The following AGMO variants were observed in gnomAD, a reference collection of about 807,000 sequenced individuals.
AGMO encodes alkylglycerol monooxygenase, also known as glyceryl-ether monooxygenase.
Under a neutral mutation model 60.2 loss-of-function variants are expected in AGMO, and 75 were observed. The observed-to-expected ratio is 1.25, with a 90% CI of 1.03 to 1.51. AGMO has a LOEUF of 1.51. AGMO is among the 40% of genes most tolerant of loss of function. AGMO has a pLI of 0.00. For missense variants in AGMO, 763 were observed against 525.5 expected (o/e 1.45, Z -4.42); for synonymous variants, 261 against 177.1 (o/e 1.47, Z -3.76).
rs935977185 is a variant in AGMO, at chr7:15,416,413, T to C, written c.609+2145A>G. Reference sequence around the variant, plus strand: ...ACTATTTGGTACGTTTTATGGCCTATTTTTTATCTCACAGTCTTTCAAAAA... The same window carrying C: ...ACTATTTGGTACGTTTTATGGCCTACTTTTTATCTCACAGTCTTTCAAAAA... On this transcript the variant is annotated intron_variant, in intron 5 of 12. Transcript: ENST00000342526. Among the ~76,000 whole-genome samples the C allele has an allele frequency of 9.9e-5, 15 of 152,120 alleles. 1 individual carries two copies. The highest frequency in any genetic ancestry group is 8.5e-4 in the Admixed American group (13 of 15,270).
At chr7:15,423,013 C>T (rs1780966272) in intron 4 of AGMO, among the ~76,000 whole-genome samples, 1 of 152,118 alleles carries the variant, frequency 6.6e-6, no homozygotes, top group African/African-American at 2.4e-5. Context: ...GAGTAAGCTG[C>T]TAAGCAAATG....
chr7:15,306,843 G>A (rs1052947005), intron 12 of AGMO, among the ~76,000 whole-genome samples: 1 of 151,824 alleles, frequency 6.6e-6, no homozygotes, highest in Non-Finnish European at 1.5e-5. Context: ...TTCAGTTAGT[G>A]TATAAAATAT....
At chr7:15,356,710 T>A (rs1782543225) in intron 12 of AGMO, among the ~76,000 whole-genome samples, 1 of 151,808 alleles carries the variant, frequency 6.6e-6, no homozygotes, top group East Asian at 1.9e-4. Flanking sequence ...TAAAAATGTA[T>A]CTAATTTAAT....
chr7:15,334,311 G>GT (rs5882496), intron 12 of AGMO, among the ~76,000 whole-genome samples: 12,467 of 146,022 alleles, frequency 0.085, 608 homozygotes, highest in Non-Finnish European at 0.11. Context: ...ACCTTGGTGA[G>GT]TTTTTTTTTT....
At chr7:15,150,262 T>A in the AGMO span, among the ~76,000 whole-genome samples, 2 of 152,096 alleles carry the variant, frequency 1.3e-5, no homozygotes, top group Admixed American at 1.3e-4. Flanking sequence ...GAGATAGTTT[T>A]ACTTCCTCTC....
intron 3 of AGMO, among the ~76,000 whole-genome samples, chr7:15,445,533 T>G (rs2128503597): frequency 6.6e-6 from 1 of 152,334 alleles, no homozygotes; most frequent in South Asian, 2.1e-4. Context: ...CTACCTCATT[T>G]GCTCATAATT....
the AGMO span, among the ~76,000 whole-genome samples, chr7:15,154,541 C>T: frequency 6.6e-6 from 1 of 152,144 alleles, no homozygotes; most frequent in South Asian, 2.1e-4. Context: ...TCAGTTGGGT[C>T]TTGCTTCTTT....
At chr7:15,175,544 T>C in the AGMO span, among the ~76,000 whole-genome samples, 1 of 152,052 alleles carries the variant, frequency 6.6e-6, no homozygotes, top group African/African-American at 2.4e-5. Flanking sequence ...GGCTCTTTTA[T>C]TCTCTCTCTC....
intron 3 of AGMO, among the ~76,000 whole-genome samples, chr7:15,457,395 G>A (rs1406219776): frequency 6.6e-6 from 1 of 152,128 alleles, no homozygotes; most frequent in Non-Finnish European, 1.5e-5. Flanking sequence ...TTAATTGACA[G>A]TTTAACAATT....
At chr7:15,406,840 A>C (rs1369741732) in intron 5 of AGMO, among the ~76,000 whole-genome samples, 1 of 115,858 alleles carries the variant, frequency 8.6e-6, no homozygotes, top group Admixed American at 8.7e-5. Context: ...ACATATATGT[A>C]TATGTATATG....
intron 3 of AGMO, among the ~76,000 whole-genome samples, chr7:15,538,433 A>T (rs1213966124): frequency 6.6e-6 from 1 of 151,994 alleles, no homozygotes; most frequent in Non-Finnish European, 1.5e-5. Context: ...AAGTCTCTCC[A>T]TGTTGTCCAG....
At chr7:15,434,567 A>G (rs1781346194) in intron 3 of AGMO, among the ~76,000 whole-genome samples, 1 of 152,134 alleles carries the variant, frequency 6.6e-6, no homozygotes, top group African/African-American at 2.4e-5. Context: ...CCAGTAAGGA[A>G]CTAAGCTCCT....
chr7:15,425,334 A>G (rs569318827), intron 4 of AGMO, among the ~76,000 whole-genome samples: 2 of 152,240 alleles, frequency 1.3e-5, no homozygotes, highest in Non-Finnish European at 2.9e-5. Context: ...TAATAAGATC[A>G]TCATTGATTT....
At chr7:15,332,085 A>AC (rs1781513262) in intron 12 of AGMO, among the ~76,000 whole-genome samples, 1 of 152,126 alleles carries the variant, frequency 6.6e-6, no homozygotes, top group African/African-American at 2.4e-5. Context: ...GAGCCTAGGT[A>AC]CCTAACAGAC....
intron 3 of AGMO, among the ~76,000 whole-genome samples, chr7:15,520,366 A>G (rs995799233): frequency 6.6e-6 from 1 of 152,126 alleles, no homozygotes; most frequent in African/African-American, 2.4e-5. Flanking sequence ...CATCTACAGA[A>G]CTCTCTACCC....
chr7:15,519,222 G>C (rs1783910769), intron 3 of AGMO, among the ~76,000 whole-genome samples: 1 of 151,784 alleles, frequency 6.6e-6, no homozygotes, highest in African/African-American at 2.4e-5. Flanking sequence ...AAGAAGAATG[G>C]AAAACACACT....
chr7:15,501,665 G>C (rs1783388406), intron 3 of AGMO, among the ~76,000 whole-genome samples: 1 of 151,918 alleles, frequency 6.6e-6, no homozygotes, highest in East Asian at 1.9e-4. Flanking sequence ...GAAAAATATT[G>C]ATAGCATAGG....
At chr7:15,246,738 C>A (rs1037423933) in intron 12 of AGMO, among the ~76,000 whole-genome samples, 6 of 152,146 alleles carry the variant, frequency 3.9e-5, no homozygotes, top group African/African-American at 7.2e-5. Flanking sequence ...TCACTTTCTA[C>A]CTTTAAACAG....
chr7:15,251,194 G>A (rs958401289), intron 12 of AGMO, among the ~76,000 whole-genome samples: 7 of 151,928 alleles, frequency 4.6e-5, no homozygotes, highest in Non-Finnish European at 1.0e-4. Flanking sequence ...TTACTTCATG[G>A]CCCTGTTTCT....
Sources: gnomAD v4.1 joint callset for allele counts (sites outside exome capture counted in the v4.1 genomes callset) on GRCh38, gnomAD v4.1.1 for gene constraint, MANE v1.5 for transcripts, NCBI Gene and HGNC (gene_info 2026-07-23, HGNC 2026-07-21) for gene names.